The following MMS22L variants were observed in gnomAD, a reference collection of about 807,000 sequenced individuals.
MMS22L encodes the protein protein MMS22-like.
Under a neutral mutation model 159.1 loss-of-function variants are expected in MMS22L, and 74 were observed. The ratio of observed to expected loss-of-function variants is 0.47; its 90% CI spans 0.39 to 0.56. The LOEUF (loss-of-function observed/expected upper bound fraction) is 0.56, where lower values mean the gene tolerates loss of function less well. MMS22L is among the 20% of genes least tolerant of loss of function. MMS22L has a pLI of 0.00. For synonymous variants in MMS22L, 517 were observed against 506.9 expected (o/e 1.02, Z -0.27); for missense variants, 1,351 against 1,422.1 (o/e 0.95, Z 0.80).
intron 10 of MMS22L, among the ~76,000 whole-genome samples, chr6:97,250,536 G>A (rs532358775): frequency 2.0e-5 from 3 of 152,084 alleles, no homozygotes; most frequent in South Asian, 4.2e-4. Context: ...GACTAGAATC[G>A]TGAGAGAGTA....
At chr6:97,178,815 T>A (rs2128268021) in intron 17 of MMS22L, among the ~76,000 whole-genome samples, 1 of 152,210 alleles carries the variant, frequency 6.6e-6, no homozygotes, top group South Asian at 2.1e-4. Context: ...ACTAATATAA[T>A]AAAATATTAA....
At chr6:97,219,734 C>T (rs1314709793) in intron 14 of MMS22L, among the ~76,000 whole-genome samples, 1 of 152,186 alleles carries the variant, frequency 6.6e-6, no homozygotes, top group Non-Finnish European at 1.5e-5. Flanking sequence ...AATGTTTTGA[C>T]AGCAGCAACT....
At chr6:97,156,661 C>T (rs893162850) in intron 22 of MMS22L, among the ~76,000 whole-genome samples, 4 of 152,048 alleles carry the variant, frequency 2.6e-5, no homozygotes, top group African/African-American at 9.7e-5. Flanking sequence ...CTGCTCTGTT[C>T]CATTGGTCTG....
intron 20 of MMS22L, among the ~76,000 whole-genome samples, chr6:97,166,329 T>C (rs1453826834): frequency 2.0e-5 from 3 of 152,286 alleles, no homozygotes; most frequent in East Asian, 3.9e-4. Flanking sequence ...AGTTAACTCT[T>C]AATTTGGTAC....
rs1281951331 is a variant in MMS22L at position 97,144,848 on chromosome 6, TAC to T, written c.*1956_*1957del. On this transcript the variant is annotated 3_prime_UTR_variant, in exon 25 of 25. Transcript: ENST00000683635. Reference sequence around the variant, plus strand: ...AACATATAATACACACACATATTGTTACACACTTTGTTGTTACCATTCTTAAG... The same window carrying T: ...AACATATAATACACACACATATTGTTACACTTTGTTGTTACCATTCTTAAG... 1.3e-5 allele frequency: 2 copies of T among 152,160 alleles called. No homozygotes were observed. The highest frequency in any genetic ancestry group is 2.9e-5 in the Non-Finnish European group (2 of 68,022). The allele number at this position is 152,160 out of a possible 1,614,324, so 9.4% of individuals were successfully genotyped here.
At chr6:97,189,502 G>C (rs1284478509) in intron 14 of MMS22L, among the ~76,000 whole-genome samples, 1 of 131,946 alleles carries the variant, frequency 7.6e-6, no homozygotes, top group Non-Finnish European at 1.5e-5. Flanking sequence ...GCAGTGAGCT[G>C]AGATTGCACC....
At position 97,147,314 on chromosome 6, in the gene MMS22L, T is replaced by A. The variant is rs143198897; in HGVS notation, c.3651-427A>T. Among the ~76,000 whole-genome samples, 6 of 152,338 alleles carry A rather than the reference T, an allele frequency of 3.9e-5. No homozygotes were observed. In the East Asian group the frequency reaches 1.2e-3, roughly 29 times the overall value. On this transcript the variant is annotated intron_variant, in intron 24 of 24. Transcript: ENST00000683635. ...GTAGCAATTTCAGTATATATCCCATTTTCTTCTTTTAACTTCTTATAAGTA... is the reference window on the plus strand; with the variant it reads ...GTAGCAATTTCAGTATATATCCCATATTCTTCTTTTAACTTCTTATAAGTA...
At chr6:97,235,398 A>C (rs1350768312) in intron 11 of MMS22L, among the ~76,000 whole-genome samples, 1 of 152,250 alleles carries the variant, frequency 6.6e-6, no homozygotes, top group East Asian at 1.9e-4. Flanking sequence ...AAGGGATTAA[A>C]GTCAGAGTTG....
intron 14 of MMS22L, among the ~76,000 whole-genome samples, chr6:97,213,328 C>T (rs1168945894): frequency 2.0e-5 from 3 of 152,124 alleles, no homozygotes; most frequent in East Asian, 1.9e-4. Context: ...ATCACTTGAA[C>T]ACAGGAGGTG....
chr6:97,153,496 C>T lies in MMS22L; in HGVS notation c.3386-1629G>A, dbSNP rs925874516. Among the ~76,000 whole-genome samples the T allele has an allele frequency of 4.6e-5, 7 of 151,330 alleles. No individual in the cohort carries two copies. In the South Asian group the frequency reaches 6.3e-4, roughly 14 times the overall value. On this transcript the variant is annotated intron_variant, in intron 22 of 24. Transcript: ENST00000683635. ...AAGCAATTCTCCTGCCTCAGCCTCC[C>T]GAGTAACTGGGATTACAAGTGCATG...
intron 24 of MMS22L, among the ~76,000 whole-genome samples, chr6:97,147,360 ATT>A (rs1163279687): frequency 6.6e-6 from 1 of 152,136 alleles, no homozygotes; most frequent in African/African-American, 2.4e-5. Context: ...AAAATAAAAT[ATT>A]GTTTCTCCTC....
chr6:97,254,910 C>A (rs990058378), intron 9 of MMS22L, among the ~76,000 whole-genome samples, 177 bp from the exon 10 acceptor site: 1 of 152,034 alleles, frequency 6.6e-6, no homozygotes, highest in African/African-American at 2.4e-5. Flanking sequence ...TTTAGAAGTA[C>A]CTTACAGGTC....
At position 97,187,105 on chromosome 6, in the gene MMS22L, C is replaced by T. The variant is rs191822385; in HGVS notation, c.2040-415G>A. Among the ~76,000 whole-genome samples, 37 of 152,176 alleles carry T rather than the reference C, an allele frequency of 2.4e-4. No homozygotes were observed. In the East Asian group the frequency reaches 6.9e-3, roughly 29 times the overall value. ...GGAAGGTAAGTACAACTGGCTTATG[C>T]GTGGTATTTTAAATTAAAATACTTT... On this transcript the variant is annotated intron_variant, in intron 14 of 24. Transcript: ENST00000683635.
chr6:97,186,388 G>A (rs1805231394), intron 15 of MMS22L, 109 bp downstream of exon 15: 1 of 789,572 alleles, frequency 1.3e-6, no homozygotes, highest in Admixed American at 3.6e-5. Context: ...TCATCTTTCT[G>A]GCTGACAAAA....
intron 14 of MMS22L, among the ~76,000 whole-genome samples, chr6:97,209,375 A>G (rs752526566): frequency 7.9e-5 from 12 of 152,000 alleles, no homozygotes; most frequent in Non-Finnish European, 1.6e-4. Context: ...GTGCTATCAT[A>G]TACTCCAACT....
At chr6:97,212,368 T>C (rs1014996190) in intron 14 of MMS22L, among the ~76,000 whole-genome samples, 2 of 152,192 alleles carry the variant, frequency 1.3e-5, no homozygotes, top group South Asian at 4.1e-4. Context: ...GCAATTTATG[T>C]ACTTAAAGCA....
chr6:97,195,343 A>T (rs1806377766), intron 14 of MMS22L, among the ~76,000 whole-genome samples: 1 of 152,196 alleles, frequency 6.6e-6, no homozygotes, highest in African/African-American at 2.4e-5. Context: ...ACCATGTAAG[A>T]TCTTGTGAGC....
chr6:97,273,554 C>T (rs548093787), intron 4 of MMS22L, among the ~76,000 whole-genome samples: 3 of 152,284 alleles, frequency 2.0e-5, no homozygotes, highest in South Asian at 2.1e-4. Flanking sequence ...CCTTTGCACT[C>T]CAGACCTTCC....
intron 21 of MMS22L, among the ~76,000 whole-genome samples, chr6:97,164,438 A>G (rs955528119): frequency 6.6e-6 from 1 of 151,984 alleles, no homozygotes; most frequent in East Asian, 1.9e-4. Flanking sequence ...AACATTTTTT[A>G]TTACTGAACT....
Sources: allele counts gnomAD v4.1 joint callset (sites outside exome capture counted in the v4.1 genomes callset), GRCh38; gene constraint gnomAD v4.1.1; transcripts MANE v1.5; gene names NCBI Gene and HGNC (gene_info 2026-07-23, HGNC 2026-07-21).